Variants in RHOD observed in about 807,000 individuals in gnomAD.
The protein encoded by RHOD is ras homolog family member D, also known as rho-related GTP-binding protein RhoD.
A neutral mutation model predicts 16.7 loss-of-function variants in RHOD; 11 were observed. That is an observed-to-expected ratio of 0.66 (90% CI 0.41 to 1.09). The LOEUF is 1.09. Among genes scored for constraint, RHOD ranks in the 50% least tolerant of loss-of-function variants. RHOD has a pLI of 0.00. For missense variants in RHOD, 271 were observed against 291.7 expected (o/e 0.93, Z 0.52); for synonymous variants, 124 against 126.3 (o/e 0.98, Z 0.12).
rs1351290223 is a variant in RHOD, at chr11:67,056,998, G to C, written c.96G>C (p.Ser32=). The C allele has an allele frequency of 1.3e-6, 2 of 1,508,184 alleles. No homozygotes were observed. Among genetic ancestry groups the C allele is most frequent in the Non-Finnish European group, 1.8e-6 (2 of 1,138,368 alleles). The allele number at this position is 1,508,184 out of a possible 1,614,324, so 93.4% of individuals were successfully genotyped here. A position where few individuals can be genotyped will look rare whatever the true frequency, so the allele number is the denominator to read the frequency against. The part of the protein sequence containing the change: ...LVGDGGCGKT[S]LLMVFADGAF... ...GCGACGGCGGCTGCGGGAAGACGTCGCTGCTGATGGTCTTCGCCGATGGGG... is the reference window on the plus strand; with the variant it reads ...GCGACGGCGGCTGCGGGAAGACGTCCCTGCTGATGGTCTTCGCCGATGGGG... Residue 32 remains serine, a synonymous_variant, in exon 1 of 5, where the codon TCG becomes TCC. Transcript: ENST00000308831.
intron 2 of RHOD, 29 bp downstream of exon 2, chr11:67,066,012 G>GGGGGGGC: frequency 1.7e-6 from 1 of 581,424 alleles, no homozygotes; most frequent in Non-Finnish European, 3.4e-6. Context: ...GGCAGGGTGG[G>GGGGGGGC]AGGGGCTTCT....
intron 4 of RHOD, among the ~76,000 whole-genome samples, chr11:67,070,949 G>C (rs1464812887): frequency 1.3e-5 from 2 of 151,998 alleles, no homozygotes; most frequent in East Asian, 3.9e-4. Context: ...AACAACGAAG[G>C]CTGGCAGGGC....
At chr11:67,062,888 G>T (rs935187686) in intron 1 of RHOD, among the ~76,000 whole-genome samples, 2 of 152,224 alleles carry the variant, frequency 1.3e-5, no homozygotes, top group Non-Finnish European at 2.9e-5. Context: ...GAGGGCACAG[G>T]TTGTGGCAGA....
At chr11:67,066,088 C>A in intron 2 of RHOD, 105 bp downstream of exon 2, 1 of 908,332 alleles carries the variant, frequency 1.1e-6, no homozygotes, top group Non-Finnish European at 1.7e-6. Context: ...GCCAGCCAGT[C>A]TCCAAGGGAC....
intron 3 of RHOD, among the ~76,000 whole-genome samples, chr11:67,068,034 C>T (rs1451692961): frequency 1.3e-5 from 2 of 151,996 alleles, no homozygotes; most frequent in African/African-American, 2.4e-5. Flanking sequence ...CTCCTGACCT[C>T]GTGATCCGCC....
intron 4 of RHOD, 57 bp downstream of exon 4, chr11:67,070,616 A>T: frequency 6.2e-7 from 1 of 1,605,864 alleles, no homozygotes; most frequent in Non-Finnish European, 8.5e-7. Flanking sequence ...GGACCTCTGG[A>T]TGCCTCTCAG....
intron 3 of RHOD, among the ~76,000 whole-genome samples, chr11:67,069,185 G>A (rs1038870685): frequency 1.3e-5 from 2 of 151,850 alleles, no homozygotes; most frequent in Admixed American, 6.6e-5. Context: ...GACTTCAGCC[G>A]ACTTAGTGCT....
intron 3 of RHOD, 40 bp from the exon 4 acceptor site, chr11:67,070,385 C>T (rs761366900): frequency 3.1e-6 from 5 of 1,608,230 alleles, no homozygotes; most frequent in South Asian, 1.1e-5. Context: ...CTCTCCAGGG[C>T]TCACACATGC....
At chr11:67,069,215 C>A (rs1368038576) in intron 3 of RHOD, among the ~76,000 whole-genome samples, 6 of 152,208 alleles carry the variant, frequency 3.9e-5, no homozygotes, top group Non-Finnish European at 7.3e-5. Flanking sequence ...AGGAAGCCCC[C>A]TCCCGGGATC....
chr11:67,071,408 C>G (rs758767414), intron 4 of RHOD, 27 bp from the exon 5 acceptor site: 2 of 1,559,754 alleles, frequency 1.3e-6, no homozygotes, highest in Non-Finnish European at 1.7e-6. Flanking sequence ...CCCCCTTCAC[C>G]GCAGCCCCAT....
intron 1 of RHOD, among the ~76,000 whole-genome samples, chr11:67,061,295 G>A (rs972209718): frequency 1.3e-5 from 2 of 152,028 alleles, no homozygotes; most frequent in African/African-American, 4.8e-5. Context: ...AGGTCAGGAG[G>A]AGTCCAGCCT....
rs1183482193 is a variant in RHOD at position 67,071,552 on chromosome 11, G to A, written c.583G>A (p.Gly195Ser). 3.1e-6 allele frequency: 5 copies of A among 1,611,778 alleles called. No individual in the cohort carries two copies. Among genetic ancestry groups the A allele is most frequent in the Admixed American group, 3.3e-5 (2 of 59,846 alleles). ...EAAEVALSSR[G>S]RNFWRRITQG... ...CGCCGAGGTGGCCCTCAGCAGCCGCGGTCGCAACTTCTGGCGGCGGATTAC... is the reference window on the plus strand; with the variant it reads ...CGCCGAGGTGGCCCTCAGCAGCCGCAGTCGCAACTTCTGGCGGCGGATTAC... Residue 195 changes from glycine to serine, a missense_variant, in exon 5 of 5, where the codon GGT becomes AGT. Coordinates refer to ENST00000308831, the MANE Select transcript of RHOD (RefSeq NM_014578.4).
intron 4 of RHOD, 106 bp downstream of exon 4, chr11:67,070,665 A>C (rs1855018765): frequency 9.4e-6 from 13 of 1,381,198 alleles, no homozygotes; most frequent in Middle Eastern, 5.2e-4. Context: ...TGTAGGTCAG[A>C]GCTGCGGTCG....
chr11:67,071,388 C>CTGCCCAG (rs1468290628), intron 4 of RHOD, 47 bp from the exon 5 acceptor site: 1 of 1,520,996 alleles, frequency 6.6e-7, no homozygotes, highest in Admixed American at 1.9e-5. Context: ...AACGTGAGGC[C>CTGCCCAG]TGCCCAGTGC....
chr11:67,071,370 G>A (rs1855027285), intron 4 of RHOD, 65 bp from the exon 5 acceptor site: 1 of 1,454,650 alleles, frequency 6.9e-7, no homozygotes, highest in South Asian at 1.4e-5. Context: ...CCGGGAAAAG[G>A]AAGCGAGAAC....
chr11:67,057,174 TC>T, intron 1 of RHOD, 140 bp downstream of exon 1: 1 of 1,053,132 alleles, frequency 9.5e-7, no homozygotes. Flanking sequence ...AGGGCAGAGT[TC>T]TTCCGCCCCA....
In RHOD at chr11:67,057,018, A is replaced by C. The variant is rs1157150151; in HGVS notation, c.116A>C (p.Asp39Ala). 2.7e-6 allele frequency: 4 copies of C among 1,500,170 alleles called. No homozygotes were observed. The highest frequency in any genetic ancestry group is 2.6e-6 in the Non-Finnish European group (3 of 1,134,988). 92.9% of individuals were successfully genotyped at this position (1,500,170 alleles called of 1,614,324 possible). A position where few individuals can be genotyped will look rare whatever the true frequency, so the allele number is the denominator to read the frequency against. ...ACGTCGCTGCTGATGGTCTTCGCCG[A>C]TGGGGCCTTCCCCGAGGTGAGTGCC... ...GKTSLLMVFA[D>A]GAFPESYTPT... The change falls in exon 1 of 5, where the codon GAT (aspartate) becomes GCT (alanine). Residue 39 changes from aspartate (D) to alanine (A), a missense_variant. Transcript: ENST00000308831.
chr11:67,068,366 C>A lies in RHOD; in HGVS notation c.330+1519C>A, dbSNP rs551233994. Among the ~76,000 whole-genome samples, 32 of 152,190 alleles carry A rather than the reference C, an allele frequency of 2.1e-4. No homozygotes were observed. The East Asian group carries it at 5.8e-3, about 28-fold the overall frequency. On this transcript the variant is annotated intron_variant, in intron 3 of 4. Coordinates refer to ENST00000308831, the MANE Select transcript of RHOD (RefSeq NM_014578.4). ...AGGAGAGGAAAGACCACAGGCTGAA[C>A]CCCAGGGAGAGGAGGAGGAGGGCAA...
chr11:67,065,920 C>T lies in RHOD; in HGVS notation c.157C>T (p.Arg53Trp), dbSNP rs185607856. 229 of 1,504,200 alleles carry T rather than the reference C, an allele frequency of 1.5e-4. 2 individuals carry two copies. In the South Asian group the frequency reaches 2.1e-3, roughly 14 times the overall value. 93.2% of individuals were successfully genotyped at this position (1,504,200 alleles called of 1,614,324 possible). A position where few individuals can be genotyped will look rare whatever the true frequency, so the allele number is the denominator to read the frequency against. Residue 53 changes from arginine to tryptophan, a missense_variant, in exon 2 of 5, where the codon CGG (arginine) becomes TGG (tryptophan). By Grantham distance (101) the Arg-to-Trp change is moderately radical (BLOSUM62 -3). Transcript: ENST00000308831. ...GAGCTACACCCCCACGGTGTTTGAG[C>T]GGTACATGGTCAACCTGCAAGTGAA... is the stretch of plus-strand genomic sequence containing the variant. Reference protein sequence around the residue: ...PESYTPTVFERYMVNLQVKGK... With the variant: ...PESYTPTVFEWYMVNLQVKGK...
Sources: gnomAD v4.1 joint callset for allele counts (sites outside exome capture counted in the v4.1 genomes callset) on GRCh38, gnomAD v4.1.1 for gene constraint, MANE v1.5 for transcripts, NCBI Gene and HGNC (gene_info 2026-07-23, HGNC 2026-07-21) for gene names.